SPEN: variants seen among roughly 807,000 people sequenced by gnomAD.
The protein encoded by SPEN is spen family transcriptional repressor.
Under a neutral mutation model 269.9 loss-of-function variants are expected in SPEN, and 18 were observed. The ratio of observed to expected loss-of-function variants is 0.07; its 90% CI spans 0.05 to 0.10. The LOEUF (loss-of-function observed/expected upper bound fraction) is 0.10, where lower values mean the gene tolerates loss of function less well. Ranked by LOEUF, SPEN falls within the 10% of genes least tolerant of loss-of-function variation. The pLI is 1.00. For missense variants in SPEN, 3,822 were observed against 4,631.2 expected, an observed-to-expected ratio of 0.83 and a Z score of 5.07; for synonymous variants, 1,726 against 1,765.7, an observed-to-expected ratio of 0.98 and a Z score of 0.56.
Position 15,939,204 on chromosome 1 carries a change from T to A in SPEN, c.10864-92T>A. The A allele has an allele frequency of 1.4e-6, 2 of 1,467,774 alleles. No individual in the cohort carries two copies. The highest frequency in any genetic ancestry group is 1.8e-6 in the Non-Finnish European group (2 of 1,103,650). The allele number at this position is 1,467,774 out of a possible 1,614,324, so 90.9% of individuals were successfully genotyped here. A position where few individuals can be genotyped will look rare whatever the true frequency, so the allele number is the denominator to read the frequency against. ...GTTGGGGACTGATTTGGCCTGGCTC[T>A]TAGCATTGGGCCTCTTCAGGGCTCC... On this transcript the variant is annotated intron_variant, in intron 14 of 14. Coordinates refer to ENST00000375759, the MANE Select transcript of SPEN (RefSeq NM_015001.3). The surrounding 1 kb of genome is among the most constrained non-coding windows in gnomAD (Gnocchi z 4.1).
chr1:15,925,294 T>TC (rs1426202043), intron 10 of SPEN, among the ~76,000 whole-genome samples: 1 of 152,176 alleles, frequency 6.6e-6, no homozygotes, highest in African/African-American at 2.4e-5. Context: ...ACATTGTGAT[T>TC]CAGATGACAT....
chr1:15,848,199 C>T lies in SPEN; in HGVS notation c.83+49C>T, dbSNP rs1237147401. The T allele has an allele frequency of 3.1e-6, 4 of 1,311,286 alleles. No individual in the cohort carries two copies. In the African/African-American group the frequency reaches 6.1e-5, roughly 20 times the overall value. The allele number at this position is 1,311,286 out of a possible 1,614,324, so 81.2% of individuals were successfully genotyped here. On this transcript the variant is annotated intron_variant, in intron 1 of 14. Transcript: ENST00000375759. This position sits in a 1 kb window ranked among gnomAD's most constrained non-coding sequence, Gnocchi z 5.1. The stretch of plus-strand genomic sequence containing the variant: ...CGCGCTCGCTCCTCGGGCGCCGCTT[C>T]CCGCCCCGGCCCGTTGCCGGCCCCT...
intron 1 of SPEN, among the ~76,000 whole-genome samples, chr1:15,849,328 T>C (rs935377410): frequency 6.6e-6 from 1 of 152,192 alleles, no homozygotes; most frequent in Non-Finnish European, 1.5e-5. Flanking sequence ...ATGGGAAAAA[T>C]AGATTGCGTC....
chr1:15,899,233 C>T (rs57504066), intron 3 of SPEN, among the ~76,000 whole-genome samples: 9,428 of 152,082 alleles, frequency 0.062, 399 homozygotes, highest in Admixed American at 0.12. Flanking sequence ...TGTAGTGGTG[C>T]GATTTTGGCC....
intron 5 of SPEN, among the ~76,000 whole-genome samples, chr1:15,913,435 C>T (rs113440637): frequency 0.035 from 5,302 of 151,926 alleles, 298 homozygotes; most frequent in African/African-American, 0.12. Context: ...TACTGCTGAG[C>T]GTGGTGGCTC....
intron 5 of SPEN, among the ~76,000 whole-genome samples, chr1:15,914,613 A>G (rs886290782): frequency 2.6e-5 from 4 of 152,170 alleles, no homozygotes; most frequent in Non-Finnish European, 5.9e-5. Flanking sequence ...ACCTGAGGTC[A>G]GGAGTTCGAG....
chr1:15,930,539 T>C lies in SPEN; in HGVS notation c.4299T>C (p.Ser1433=). Reference sequence around the variant, plus strand: ...CTTTAGAAAGGAACAAATTTTACTCTTTTGCATTGGATAAGACAATCACAC... The same window carrying C: ...CTTTAGAAAGGAACAAATTTTACTCCTTTGCATTGGATAAGACAATCACAC... The part of the protein sequence containing the change: ...SSSLERNKFY[S]FALDKTITPD... Residue 1433 remains serine, a synonymous_variant, in exon 11 of 15, where the codon TCT becomes TCC. Coordinates refer to ENST00000375759, the MANE Select transcript of SPEN (RefSeq NM_015001.3). This position sits in a 1 kb window ranked among gnomAD's most constrained non-coding sequence, Gnocchi z 5.3. The C allele has an allele frequency of 6.2e-7, 1 of 1,614,140 alleles. No individual in the cohort carries two copies. The highest frequency in any genetic ancestry group is 8.5e-7 in the Non-Finnish European group (1 of 1,180,014).
rs202070337 is a variant in SPEN at position 15,934,626 on chromosome 1, C to T, written c.8386C>T (p.Arg2796Cys). Residue 2796 changes from arginine (R) to cysteine (C), a missense_variant, in exon 11 of 15, where the codon CGT (arginine) becomes TGT (cysteine). By Grantham distance (180) the Arg-to-Cys change is radical. Around this residue, in one of 16 missense-constraint regions of SPEN, gnomAD observed 329 missense variants for 431.2 expected, o/e 0.76. Transcript: ENST00000375759. This position sits in a 1 kb window ranked among gnomAD's most constrained non-coding sequence, Gnocchi z 9.2. ...HPGSMPVIDD[R>C]PADAGSGAGL... ...AGGGTCCATGCCTGTGATCGACGAT[C>T]GTCCGGCAGACGCGGGCTCAGGGGC... 36 of 1,613,854 alleles carry T rather than the reference C, an allele frequency of 2.2e-5. No homozygotes were observed. Among genetic ancestry groups the T allele is most frequent in the East Asian group, 4.5e-5 (2 of 44,864 alleles).
At chr1:15,909,011 A>G (rs2070987417) in intron 3 of SPEN, among the ~76,000 whole-genome samples, 1 of 152,100 alleles carries the variant, frequency 6.6e-6, no homozygotes, top group Non-Finnish European at 1.5e-5. Context: ...TATTATTATT[A>G]TTACACTAAG....
Position 15,934,439 on chromosome 1 carries a change from T to C in SPEN, c.8199T>C (p.Asn2733=), listed in dbSNP as rs1557761992. 7.4e-6 allele frequency: 12 copies of C among 1,613,836 alleles called. No homozygotes were observed. The highest frequency in any genetic ancestry group is 5.0e-5 in the Admixed American group (3 of 60,010). Residue 2733 remains asparagine, a synonymous_variant, in exon 11 of 15, where the codon AAT becomes AAC. Coordinates refer to ENST00000375759, the MANE Select transcript of SPEN (RefSeq NM_015001.3). The surrounding 1 kb of genome is among the most constrained non-coding windows in gnomAD (Gnocchi z 9.2). ...TCAATGCCGCTGCGAGTGCAGTGAA[T>C]GCCACAGCAAGTGCAGTGACCGTCA... ...GTVNAAASAV[N]ATASAVTVTA... is the part of the protein sequence containing the mutation.
At chr1:15,864,717 G>A (rs74722532) in intron 1 of SPEN, among the ~76,000 whole-genome samples, 4,962 of 148,344 alleles carry the variant, frequency 0.033, 125 homozygotes, top group Middle Eastern at 0.054. Context: ...TCGAGCTCCC[G>A]TCTCAGCCTA....
chr1:15,858,121 C>T (rs1421563402), intron 1 of SPEN, among the ~76,000 whole-genome samples: 4 of 151,830 alleles, frequency 2.6e-5, no homozygotes, highest in Non-Finnish European at 5.9e-5. Context: ...AGCAAGACTC[C>T]GTCTCAAAAA....
Position 15,848,993 on chromosome 1 carries a change from A to T in SPEN, c.83+843A>T, listed in dbSNP as rs1412219648. On this transcript the variant is annotated intron_variant, in intron 1 of 14. Transcript: ENST00000375759. The surrounding 1 kb of genome is among the most constrained non-coding windows in gnomAD (Gnocchi z 5.1). ...TACGATGAGAAGATGTAGCTTAAAA[A>T]AAAAACCTCCCCTGAATATTTTTGT... Among the ~76,000 whole-genome samples the T allele has an allele frequency of 1.3e-5, 2 of 152,206 alleles. No individual in the cohort carries two copies. The highest frequency in any genetic ancestry group is 4.8e-5 in the African/African-American group (2 of 41,452).
At chr1:15,894,925 A>C (rs1191894183) in intron 3 of SPEN, among the ~76,000 whole-genome samples, 2 of 151,252 alleles carry the variant, frequency 1.3e-5, no homozygotes, top group East Asian at 3.9e-4. Context: ...TTACCTTTTT[A>C]TTTTTATTTT....
chr1:15,922,674 G>C (rs1176366305), intron 10 of SPEN, among the ~76,000 whole-genome samples: 3 of 152,070 alleles, frequency 2.0e-5, no homozygotes, highest in African/African-American at 7.2e-5. Flanking sequence ...CCAGACTGGA[G>C]TGCAGTGGCA....
chr1:15,868,723 C>CGGGT (rs1161961413), intron 1 of SPEN, among the ~76,000 whole-genome samples: 4 of 152,140 alleles, frequency 2.6e-5, no homozygotes, highest in Non-Finnish European at 5.9e-5. Context: ...CGTGAGCCAC[C>CGGGT]GTGCCCAGCC....
intron 1 of SPEN, among the ~76,000 whole-genome samples, chr1:15,863,207 C>T (rs1273041187): frequency 6.6e-6 from 1 of 152,088 alleles, no homozygotes; most frequent in East Asian, 1.9e-4. Flanking sequence ...CAAGATTGTG[C>T]CATTGGACTC....
rs2070991131 is a variant in SPEN, at chr1:15,909,392, C to A, written c.953C>A (p.Pro318His). 6.2e-7 allele frequency: 1 copy of A among 1,614,038 alleles called. No homozygotes were observed. The highest frequency in any genetic ancestry group is 8.5e-7 in the Non-Finnish European group (1 of 1,180,042). The part of the protein sequence containing the change: ...RSVQSAAVPA[P>H]TSQLLSSLEK... ...GTTCAGTCTGCAGCAGTCCCTGCAC[C>A]CACTTCCCAGTTGCTTTCATCTCTG... is the stretch of plus-strand genomic sequence containing the variant. Residue 318 changes from proline (P) to histidine (H), a missense_variant, in exon 4 of 15, where the codon CCC becomes CAC. Around this residue, in one of 16 missense-constraint regions of SPEN, gnomAD observed 327 missense variants for 350.8 expected, o/e 0.93. Transcript: ENST00000375759.
chr1:15,897,963 A>C (rs1012008580), intron 3 of SPEN, among the ~76,000 whole-genome samples: 1 of 152,208 alleles, frequency 6.6e-6, no homozygotes, highest in Non-Finnish European at 1.5e-5. Context: ...ATAGTTGCAC[A>C]GTCACCAGTT....
Sources: allele counts gnomAD v4.1 joint callset (sites outside exome capture counted in the v4.1 genomes callset), GRCh38; gene constraint gnomAD v4.1.1; regional missense constraint gnomAD v4.1.1; non-coding constraint Gnocchi (gnomAD v3.1); transcripts MANE v1.5; gene names NCBI Gene and HGNC (gene_info 2026-07-23, HGNC 2026-07-21).